The following MCPH1 variants were observed in gnomAD, a reference collection of about 807,000 sequenced individuals.
MCPH1 encodes microcephalin.
A neutral mutation model predicts 84.5 loss-of-function variants in MCPH1; 104 were observed. That is an observed-to-expected ratio of 1.23 (90% CI 1.05 to 1.45). The LOEUF (loss-of-function observed/expected upper bound fraction) is 1.45. Ranked by LOEUF, MCPH1 falls within the 40% of genes most tolerant of loss-of-function variation. The probability of loss-of-function intolerance (pLI) is 0.00; values close to 1 mark genes in which losing one functional copy is unlikely to be tolerated. For missense variants in MCPH1, 1,498 were observed against 1,005.7 expected, an observed-to-expected ratio of 1.49 and a Z score of -6.62; for synonymous variants, 514 against 366.8, an observed-to-expected ratio of 1.40 and a Z score of -4.58.
Position 6,647,031 on chromosome 8 carries a change from A to C in MCPH1, c.*3982A>C, listed in dbSNP as rs1798247447. The C allele has an allele frequency of 6.6e-6, 1 of 152,200 alleles. No homozygotes were observed. Among genetic ancestry groups the C allele is most frequent in the Admixed American group, 6.5e-5 (1 of 15,286 alleles). 9.4% of individuals were successfully genotyped at this position (152,200 alleles called of 1,614,324 possible). Reference sequence around the variant, plus strand: ...ATGAAAAGACAAGCCACAGACTATGAAAAAATACTTGCAAATCATATATCT... The same window carrying C: ...ATGAAAAGACAAGCCACAGACTATGCAAAAATACTTGCAAATCATATATCT... On this transcript the variant is annotated 3_prime_UTR_variant, in exon 14 of 14. Coordinates refer to ENST00000344683, the MANE Select transcript of MCPH1 (RefSeq NM_024596.5).
In MCPH1 at chr8:6,444,450, G is replaced by A; in HGVS notation, c.728G>A (p.Gly243Glu). Residue 243 changes from glycine (G) to glutamate (E), a missense_variant, in exon 8 of 14, where the codon GGA becomes GAA. Coordinates refer to ENST00000344683, the MANE Select transcript of MCPH1 (RefSeq NM_024596.5). ...TTTGATGATCTTTGTGGAAACTCAG[G>A]ATGTGGAAATCAGGAAAGGAAGTTG... ...SSFDDLCGNSGCGNQERKLEG... is the reference protein window; with the variant it reads ...SSFDDLCGNSECGNQERKLEG... The A allele has an allele frequency of 6.2e-7, 1 of 1,614,164 alleles. No individual in the cohort carries two copies. The highest frequency in any genetic ancestry group is 2.2e-5 in the East Asian group (1 of 44,874).
At chr8:6,618,861 G>A (rs979579260) in intron 12 of MCPH1, 6 of 152,146 alleles carry the variant, frequency 3.9e-5, no homozygotes, top group Non-Finnish European at 7.4e-5. Flanking sequence ...GTGTTTTTCA[G>A]GACCCAAGGC....
chr8:6,493,980 G>T (rs549983860), intron 11 of MCPH1: 1 of 151,152 alleles, frequency 6.6e-6, no homozygotes, highest in South Asian at 2.1e-4. Context: ...TCGCTCTGTT[G>T]CCCAGGCTGG....
At chr8:6,619,671 A>G (rs1184166697) in intron 12 of MCPH1, among the ~76,000 whole-genome samples, 4 of 150,634 alleles carry the variant, frequency 2.7e-5, no homozygotes, top group Non-Finnish European at 5.9e-5. Context: ...TGCAAGCTCC[A>G]CCTCCCGGGT....
At chr8:6,445,750 G>A (rs1804260635) in intron 8 of MCPH1, 1 of 1,360,902 alleles carries the variant, frequency 7.3e-7, no homozygotes, top group Non-Finnish European at 9.4e-7. Flanking sequence ...TAGACTTATT[G>A]GTTAAGTCTG....
chr8:6,459,316 C>A (rs1806021492), intron 9 of MCPH1, among the ~76,000 whole-genome samples: 1 of 152,116 alleles, frequency 6.6e-6, no homozygotes, highest in African/African-American at 2.4e-5. Context: ...CGCTGTGTCA[C>A]CCAGGCTGGA....
At chr8:6,593,921 C>A (rs1242356875) in intron 12 of MCPH1, among the ~76,000 whole-genome samples, 2 of 152,332 alleles carry the variant, frequency 1.3e-5, no homozygotes, top group South Asian at 4.1e-4. Flanking sequence ...ATCAGAAGGA[C>A]CCCCGCTGGC....
chr8:6,562,849 A>C (rs750598634), intron 12 of MCPH1: 2 of 1,613,318 alleles, frequency 1.2e-6, no homozygotes, highest in African/African-American at 2.7e-5. Context: ...CTTCTTTCCT[A>C]TGCTGTCCAT....
chr8:6,558,837 T>C (rs1304305941), intron 12 of MCPH1, among the ~76,000 whole-genome samples: 1 of 152,148 alleles, frequency 6.6e-6, no homozygotes, highest in Non-Finnish European at 1.5e-5. Context: ...ATATAATCCA[T>C]ATAGAGTAAA....
intron 12 of MCPH1, among the ~76,000 whole-genome samples, chr8:6,593,285 G>T (rs1360962606): frequency 6.6e-6 from 1 of 151,826 alleles, no homozygotes; most frequent in African/African-American, 2.4e-5. Flanking sequence ...ATTTCTCCAT[G>T]TTAGTCAGGC....
intron 11 of MCPH1, chr8:6,494,123 G>C (rs541047663): frequency 3.3e-5 from 5 of 152,008 alleles, no homozygotes; most frequent in Non-Finnish European, 7.3e-5. Context: ...ATTTTTTGTA[G>C]AGACAGAGTT....
chr8:6,601,213 C>T (rs75661321), intron 12 of MCPH1, among the ~76,000 whole-genome samples: 1 of 152,122 alleles, frequency 6.6e-6, no homozygotes, highest in Non-Finnish European at 1.5e-5. Context: ...CAGCTTCCAC[C>T]CTCACAGCTC....
chr8:6,410,896 C>A (rs915126162), intron 2 of MCPH1, among the ~76,000 whole-genome samples: 1 of 152,056 alleles, frequency 6.6e-6, no homozygotes, highest in Non-Finnish European at 1.5e-5. Flanking sequence ...TCGAGACCAG[C>A]CTGGCCAACA....
chr8:6,622,094 G>T (rs564937027), intron 13 of MCPH1: 6 of 335,614 alleles, frequency 1.8e-5, no homozygotes, highest in Admixed American at 3.7e-5. Context: ...CCAAGCCCCC[G>T]TCCCTGTCAT....
Position 6,445,087 on chromosome 8 carries a change from A to T in MCPH1, c.1365A>T (p.Ile455=). 6.2e-7 allele frequency: 1 copy of T among 1,614,262 alleles called. No homozygotes were observed. Among genetic ancestry groups the T allele is most frequent in the Non-Finnish European group, 8.5e-7 (1 of 1,180,050 alleles). The change falls in exon 8 of 14, where the codon ATA becomes ATT. Residue 455 remains isoleucine, a synonymous_variant. Transcript: ENST00000344683. ...RSLSKKERTS[I]FEMSDFSCVG... is the part of the protein sequence containing the mutation. ...TTTCTAAGAAGGAGAGAACAAGCAT[A>T]TTTGAAATGTCTGATTTTTCCTGCG... is the stretch of plus-strand genomic sequence containing the variant.
intron 2 of MCPH1, among the ~76,000 whole-genome samples, chr8:6,410,987 G>A (rs1798457161): frequency 6.6e-6 from 1 of 152,166 alleles, no homozygotes; most frequent in South Asian, 2.1e-4. Flanking sequence ...TGATTCGGGA[G>A]GCTGAGGCAG....
At position 6,480,890 on chromosome 8, in the gene MCPH1, G is replaced by C; in HGVS notation, c.2136+14G>C. On this transcript the variant is annotated intron_variant, in intron 11 of 13. Coordinates refer to ENST00000344683, the MANE Select transcript of MCPH1 (RefSeq NM_024596.5). ...TCTTATGATTGGGTAAGCCCTGTGT[G>C]TGAACTGCGTATTTTAAAACAAGGC... The C allele has an allele frequency of 6.2e-7, 1 of 1,613,292 alleles. No homozygotes were observed. Among genetic ancestry groups the C allele is most frequent in the Non-Finnish European group, 8.5e-7 (1 of 1,180,004 alleles).
intron 12 of MCPH1, chr8:6,615,621 A>G (rs1258732241): frequency 6.6e-6 from 1 of 152,172 alleles, no homozygotes; most frequent in African/African-American, 2.4e-5. Flanking sequence ...AAAAGAACAC[A>G]TTTTATCTTT....
At chr8:6,427,982 G>C (rs137972881) in intron 3 of MCPH1, among the ~76,000 whole-genome samples, 1 of 151,746 alleles carries the variant, frequency 6.6e-6, no homozygotes, top group Non-Finnish European at 1.5e-5. Flanking sequence ...TAGTAGAGAC[G>C]GGGTTTCCCC....
Sources: gnomAD v4.1 joint callset for allele counts (sites outside exome capture counted in the v4.1 genomes callset) on GRCh38, gnomAD v4.1.1 for gene constraint, MANE v1.5 for transcripts, NCBI Gene and HGNC (gene_info 2026-07-23, HGNC 2026-07-21) for gene names.